The following NMB variants were observed in gnomAD, a reference collection of about 807,000 sequenced individuals.
NMB encodes the protein neuromedin B, also known as neuromedin-B.
A neutral mutation model predicts 11.7 loss-of-function variants in NMB; 12 were observed. The ratio of observed to expected loss-of-function variants is 1.03; its 90% CI spans 0.66 to 1.66. The LOEUF (loss-of-function observed/expected upper bound fraction) is 1.66, where lower values mean the gene tolerates loss of function less well. Ranked by LOEUF, NMB falls within the 40% of genes most tolerant of loss-of-function variation. NMB has a pLI of 0.00. For missense variants in NMB, 174 were observed against 157.9 expected (o/e 1.10, Z -0.55); for synonymous variants, 76 against 72.6 (o/e 1.05, Z -0.24).
intron 2 of NMB, among the ~76,000 whole-genome samples, chr15:84,655,612 G>A (rs1172375790): frequency 6.6e-6 from 1 of 152,140 alleles, no homozygotes; most frequent in Non-Finnish European, 1.5e-5. Context: ...CACCCAGGGT[G>A]GTCATGACAG....
intron 1 of NMB, 21 bp from the exon 2 acceptor site, chr15:84,657,369 C>T: frequency 6.8e-7 from 1 of 1,463,342 alleles, no homozygotes; most frequent in Non-Finnish European, 9.0e-7. Context: ...GGTGTCCAGG[C>T]ACAAGGAAGT....
Position 84,657,338 on chromosome 15 carries a change from C to T in NMB, c.168G>A (p.Met56Ile). The change falls in exon 2 of 3, where the codon ATG (methionine) becomes ATA (isoleucine). Residue 56 changes from methionine to isoleucine, a missense_variant. By Grantham distance (10) the Met-to-Ile change is conservative. This residue lies in a region of NMB where 168 missense variants were observed against 138.4 expected (regional missense o/e 1.21). Coordinates refer to ENST00000360476, the MANE Select transcript of NMB (RefSeq NM_021077.4). ...TGGAAGGCTCCAGACTCTTCTTGCC[C>T]ATGAAGTGACCTGGAAAGGAGGTGT... ...RGNLWATGHF[M>I]GKKSLEPSSP... 1 of 1,521,744 alleles carries T rather than the reference C, an allele frequency of 6.6e-7. No homozygotes were observed. Among genetic ancestry groups the T allele is most frequent in the South Asian group, 1.3e-5 (1 of 79,108 alleles). 94.3% of individuals were successfully genotyped at this position (1,521,744 alleles called of 1,614,324 possible).
At chr15:84,657,442 T>C in intron 1 of NMB, 94 bp from the exon 2 acceptor site, 1 of 1,206,846 alleles carries the variant, frequency 8.3e-7, no homozygotes, top group South Asian at 1.8e-5. Context: ...TCCGTTCTTG[T>C]AGCGGGAAGA....
Position 84,658,169 on chromosome 15 carries a change from C to T in NMB, c.-17G>A. On this transcript the variant is annotated 5_prime_UTR_variant, in exon 1 of 3. Coordinates refer to ENST00000360476, the MANE Select transcript of NMB (RefSeq NM_021077.4). ...CCGGGCCATGGCTGTGCCCGGGCCG[C>T]GGCTTCGTTCGGGCGCGCTTCCCGG... 1 of 1,437,576 alleles carries T rather than the reference C, an allele frequency of 7.0e-7. No homozygotes were observed. The highest frequency in any genetic ancestry group is 9.0e-7 in the Non-Finnish European group (1 of 1,109,534). 89.1% of individuals were successfully genotyped at this position (1,437,576 alleles called of 1,614,324 possible). A position where few individuals can be genotyped will look rare whatever the true frequency, so the allele number is the denominator to read the frequency against.
chr15:84,656,884 A>G (rs1896789051), intron 2 of NMB, among the ~76,000 whole-genome samples: 1 of 152,168 alleles, frequency 6.6e-6, no homozygotes, highest in African/African-American at 2.4e-5. Context: ...AAGGCTGATG[A>G]TCCCAGTCTG....
At chr15:84,655,485 G>A (rs1896764594) in intron 2 of NMB, 76 bp from the exon 3 acceptor site, 23 of 1,587,518 alleles carry the variant, frequency 1.4e-5, no homozygotes, top group Non-Finnish European at 2.0e-5. Flanking sequence ...CCATTCCTAA[G>A]TGCCAGATGT....
At position 84,658,174 on chromosome 15, in the gene NMB, T is replaced by G; in HGVS notation, c.-22A>C. 1 of 1,435,876 alleles carries G rather than the reference T, an allele frequency of 7.0e-7. No homozygotes were observed. The highest frequency in any genetic ancestry group is 9.0e-7 in the Non-Finnish European group (1 of 1,108,796). The allele number at this position is 1,435,876 out of a possible 1,614,324, so 88.9% of individuals were successfully genotyped here. A position where few individuals can be genotyped will look rare whatever the true frequency, so the allele number is the denominator to read the frequency against. On this transcript the variant is annotated 5_prime_UTR_variant, in exon 1 of 3. Transcript: ENST00000360476. The stretch of plus-strand genomic sequence containing the variant: ...CCATGGCTGTGCCCGGGCCGCGGCT[T>G]CGTTCGGGCGCGCTTCCCGGCCGCT...
chr15:84,657,489 C>A, intron 1 of NMB, 141 bp from the exon 2 acceptor site: 3 of 791,052 alleles, frequency 3.8e-6, no homozygotes, highest in South Asian at 2.3e-5. Flanking sequence ...TCCACCTCAC[C>A]AAGGAGCCAC....
chr15:84,657,299 CA>C lies in NMB; in HGVS notation c.206del (p.Leu69TrpfsTer9). On this transcript the variant is annotated frameshift_variant, in exon 2 of 3. Coordinates refer to ENST00000360476, the MANE Select transcript of NMB (RefSeq NM_021077.4). LOFTEE classifies it high-confidence loss of function. ...TCAGGGAGGTGTGGGGAGCTGTCCC[CA>C]ATGGGGATGGGCTGGAAGGCTCCAG... ...KSLEPSSPSP[L>X]GTAPHTSLRD... 6.3e-7 allele frequency: 1 copy of C among 1,592,282 alleles called. No homozygotes were observed. The highest frequency in any genetic ancestry group is 1.1e-5 in the South Asian group (1 of 87,730).
rs533069464 is a variant in NMB at position 84,655,539 on chromosome 15, C to G, written c.331-130G>C. The G allele has an allele frequency of 1.4e-4, 165 of 1,184,272 alleles. 1 individual carries two copies. The South Asian group carries it at 2.0e-3, about 14-fold the overall frequency. The allele number at this position is 1,184,272 out of a possible 1,614,324, so 73.4% of individuals were successfully genotyped here. On this transcript the variant is annotated intron_variant, in intron 2 of 2. Coordinates refer to ENST00000360476, the MANE Select transcript of NMB (RefSeq NM_021077.4). Reference sequence around the variant, plus strand: ...GCAGGCTGTCAGCTGAGGCAGGCCCCAGAGCACCCTGAATTGCCTTGGAGG... The same window carrying G: ...GCAGGCTGTCAGCTGAGGCAGGCCCGAGAGCACCCTGAATTGCCTTGGAGG...
rs146958804 is a variant in NMB at position 84,655,245 on chromosome 15, G to A, written c.*129C>T. 2.5e-6 allele frequency: 4 copies of A among 1,573,892 alleles called. No homozygotes were observed. In the African/African-American group the frequency reaches 4.1e-5, roughly 16 times the overall value. ...TCTGGTGACCCAGCCAGAAATCACA[G>A]TAATGGAGTAACAGAGATTTGAGCT... On this transcript the variant is annotated 3_prime_UTR_variant, in exon 3 of 3. Coordinates refer to ENST00000360476, the MANE Select transcript of NMB (RefSeq NM_021077.4).
chr15:84,657,153 A>G, intron 2 of NMB, 23 bp downstream of exon 2: 2 of 1,601,132 alleles, frequency 1.2e-6, no homozygotes, highest in South Asian at 1.1e-5. Flanking sequence ...CCCTCCTGAC[A>G]TTGGAGCAGG....
rs1315225294 is a variant in NMB, at chr15:84,658,092, C to T, written c.61G>A (p.Ala21Thr). Reference sequence around the variant, plus strand: ...CAGCTGAGCGGGGCGACGCCGGCAGCGAGCAGGGCGAAGAGCAGGAGGCTG... The same window carrying T: ...CAGCTGAGCGGGGCGACGCCGGCAGTGAGCAGGGCGAAGAGCAGGAGGCTG... ...FGSLLLFALL[A>T]AGVAPLSWDL... Residue 21 changes from alanine (A) to threonine (T), a missense_variant, in exon 1 of 3, where the codon GCT (alanine) becomes ACT (threonine). Transcript: ENST00000360476. 2 of 1,577,964 alleles carry T rather than the reference C, an allele frequency of 1.3e-6. No individual in the cohort carries two copies. The highest frequency in any genetic ancestry group is 3.5e-5 in the Admixed American group (2 of 56,910).
In NMB at chr15:84,657,232, G is replaced by C. The variant is rs201824594; in HGVS notation, c.274C>G (p.Leu92Val). 628 of 1,611,634 alleles carry C rather than the reference G, an allele frequency of 3.9e-4. 2 individuals carry two copies. Among genetic ancestry groups the C allele is most frequent in the Non-Finnish European group, 1.3e-5 (15 of 1,179,030 alleles). The change falls in exon 2 of 3, where the codon CTC (leucine) becomes GTC (valine). Residue 92 changes from leucine to valine, a missense_variant. Leu to Val is a conservative substitution (Grantham distance 32). This residue lies in a region of NMB where 168 missense variants were observed against 138.4 expected (regional missense o/e 1.21). Coordinates refer to ENST00000360476, the MANE Select transcript of NMB (RefSeq NM_021077.4). Reference protein sequence around the residue: ...LQLSHDLLGILLLKKALGVSL... With the variant: ...LQLSHDLLGIVLLKKALGVSL... ...ACGCCCAGAGCCTTCTTTAGCAGGA[G>C]GATTCCGAGCAGATCATGACTCAGC...
rs1019753017 is a variant in NMB at position 84,658,192 on chromosome 15, C to T, written c.-40G>A. The T allele has an allele frequency of 4.9e-6, 7 of 1,417,988 alleles. No homozygotes were observed. The highest frequency in any genetic ancestry group is 1.5e-5 in the South Asian group (1 of 66,970). 87.8% of individuals were successfully genotyped at this position (1,417,988 alleles called of 1,614,324 possible). On this transcript the variant is annotated 5_prime_UTR_variant, in exon 1 of 3. Transcript: ENST00000360476. ...CGCGGCTTCGTTCGGGCGCGCTTCC[C>T]GGCCGCTGGGCTCCGGGGCTGCCTT...
chr15:84,657,327 C>T lies in NMB; in HGVS notation c.179G>A (p.Ser60Asn). The T allele has an allele frequency of 1.9e-6, 3 of 1,549,458 alleles. No homozygotes were observed. The highest frequency in any genetic ancestry group is 2.6e-6 in the Non-Finnish European group (3 of 1,148,342). Residue 60 changes from serine to asparagine, a missense_variant, in exon 2 of 3, where the codon AGT (serine) becomes AAT (asparagine). Physicochemically the swap from Ser to Asn is conservative, Grantham distance 46. Coordinates refer to ENST00000360476, the MANE Select transcript of NMB (RefSeq NM_021077.4). ...TGGGGATGGGCTGGAAGGCTCCAGA[C>T]TCTTCTTGCCCATGAAGTGACCTGG... is the stretch of plus-strand genomic sequence containing the variant. ...WATGHFMGKK[S>N]LEPSSPSPLG... is the part of the protein sequence containing the mutation.
Position 84,657,295 on chromosome 15 carries a change from T to A in NMB, c.211A>T (p.Thr71Ser). 1 of 1,594,216 alleles carries A rather than the reference T, an allele frequency of 6.3e-7. No individual in the cohort carries two copies. The highest frequency in any genetic ancestry group is 1.3e-5 in the African/African-American group (1 of 74,506). Reference protein sequence around the residue: ...LEPSSPSPLGTAPHTSLRDQR... With the variant: ...LEPSSPSPLGSAPHTSLRDQR... ...TCCCTCAGGGAGGTGTGGGGAGCTG[T>A]CCCCAATGGGGATGGGCTGGAAGGC... Residue 71 changes from threonine (T) to serine (S), a missense_variant, in exon 2 of 3, where the codon ACA (threonine) becomes TCA (serine). By Grantham distance (58) the Thr-to-Ser change is moderately conservative. Around this residue, in one of 2 missense-constraint regions of NMB, gnomAD observed 168 missense variants for 138.4 expected, o/e 1.21. Transcript: ENST00000360476.
At position 84,657,760 on chromosome 15, in the gene NMB, C is replaced by T. The variant is rs71395457; in HGVS notation, c.157+236G>A. 1.6e-3 allele frequency among the ~76,000 whole-genome samples: 243 copies of T among 152,320 alleles called. 1 individual carries two copies. Among genetic ancestry groups the T allele is most frequent in the Non-Finnish European group, 2.8e-3 (193 of 68,024 alleles). ...TCTCGCCTAAGGTAAGGGGCACCGGCTGGCAGTGGGATTTAGGATCTAGCC... is the reference window on the plus strand; with the variant it reads ...TCTCGCCTAAGGTAAGGGGCACCGGTTGGCAGTGGGATTTAGGATCTAGCC... On this transcript the variant is annotated intron_variant, in intron 1 of 2. Coordinates refer to ENST00000360476, the MANE Select transcript of NMB (RefSeq NM_021077.4).
chr15:84,655,477 A>T (rs1896764395), intron 2 of NMB, 68 bp from the exon 3 acceptor site: 2 of 1,598,294 alleles, frequency 1.3e-6, no homozygotes, highest in Admixed American at 3.3e-5. Flanking sequence ...GCATCCTGCC[A>T]TTCCTAAGTG....
Sources: gnomAD v4.1 joint callset for allele counts (sites outside exome capture counted in the v4.1 genomes callset) on GRCh38, gnomAD v4.1.1 for gene constraint, gnomAD v4.1.1 regional missense constraint, MANE v1.5 for transcripts, NCBI Gene and HGNC (gene_info 2026-07-23, HGNC 2026-07-21) for gene names.